RC3H1: variants seen among roughly 807,000 people sequenced by gnomAD.
RC3H1 encodes the protein roquin-1.
Under a neutral mutation model 138.2 loss-of-function variants are expected in RC3H1, and 50 were observed. The observed-to-expected ratio is 0.36, with a 90% CI of 0.29 to 0.46. The LOEUF (loss-of-function observed/expected upper bound fraction) is 0.46. RC3H1 is among the 20% of genes least tolerant of loss of function. The pLI is 1.00. For missense variants in RC3H1, 1,031 were observed against 1,388.1 expected, an observed-to-expected ratio of 0.74 and a Z score of 4.09; for synonymous variants, 462 against 489.1, an observed-to-expected ratio of 0.94 and a Z score of 0.73.
rs1284647075 is a variant in RC3H1, at chr1:173,951,994, C to T, written c.2515G>A (p.Glu839Lys). 1 of 1,603,654 alleles carries T rather than the reference C, an allele frequency of 6.2e-7. No homozygotes were observed. The highest frequency in any genetic ancestry group is 8.5e-7 in the Non-Finnish European group (1 of 1,175,990). The change falls in exon 14 of 20, where the codon GAA (glutamate) becomes AAA (lysine). Residue 839 changes from glutamate to lysine, a missense_variant. Physicochemically the swap from Glu to Lys is moderately conservative, Grantham distance 56. This residue lies in a region of RC3H1 where 716 missense variants were observed against 837.9 expected (regional missense o/e 0.85). Coordinates refer to ENST00000367696, the MANE Select transcript of RC3H1 (RefSeq NM_172071.4). ...TTAGCTATTACACATACCATCATTT[C>T]CACACTCCCTGCTGCCACAACATCT... ...PKDVVAAGSV[E>K]MMNVESKGMR...
chr1:173,949,001 T>C (rs1331810767), intron 14 of RC3H1, among the ~76,000 whole-genome samples: 1 of 152,032 alleles, frequency 6.6e-6, no homozygotes, highest in African/African-American at 2.4e-5. Context: ...CAAAGATTCC[T>C]GCCTAATTTC....
In RC3H1 at chr1:173,933,564, A is replaced by G. The variant is rs1007887278; in HGVS notation, c.*5157T>C. On this transcript the variant is annotated 3_prime_UTR_variant, in exon 20 of 20. Transcript: ENST00000367696. Reference sequence around the variant, plus strand: ...CAATTAATAGTACCTTTTGACAAAAACAGCTTTCTTCTTGAAGTGGCTCAG... The same window carrying G: ...CAATTAATAGTACCTTTTGACAAAAGCAGCTTTCTTCTTGAAGTGGCTCAG... 1 of 152,164 alleles carries G rather than the reference A, an allele frequency of 6.6e-6. No individual in the cohort carries two copies. The highest frequency in any genetic ancestry group is 1.5e-5 in the Non-Finnish European group (1 of 67,972). The allele number at this position is 152,164 out of a possible 1,614,324, so 9.4% of individuals were successfully genotyped here.
intron 1 of RC3H1, 116 bp from the exon 2 acceptor site, chr1:173,993,251 G>A: frequency 2.4e-6 from 1 of 422,984 alleles, no homozygotes; most frequent in Non-Finnish European, 4.3e-6. Flanking sequence ...TTGTATCACT[G>A]TAATCCATCT....
At chr1:173,976,752 A>G (rs1034299379) in intron 7 of RC3H1, among the ~76,000 whole-genome samples, 1 of 152,204 alleles carries the variant, frequency 6.6e-6, no homozygotes, top group Non-Finnish European at 1.5e-5. Context: ...TATTCTAGTA[A>G]CATTGATCTG....
At chr1:174,006,587 TTTA>T (rs1268476071) in intron 1 of RC3H1, among the ~76,000 whole-genome samples, 28 of 152,230 alleles carry the variant, frequency 1.8e-4, no homozygotes, top group African/African-American at 6.5e-4. Context: ...CTTGTAACTT[TTTA>T]TTATACTTTT....
intron 17 of RC3H1, among the ~76,000 whole-genome samples, chr1:173,944,721 C>T (rs1213268143): frequency 1.3e-5 from 2 of 152,134 alleles, no homozygotes; most frequent in African/African-American, 2.4e-5. Flanking sequence ...ATCGGCAAGA[C>T]GTTCTGAATC....
At chr1:173,971,858 A>C (rs908434871) in intron 8 of RC3H1, among the ~76,000 whole-genome samples, 26 of 152,172 alleles carry the variant, frequency 1.7e-4, no homozygotes, top group Admixed American at 1.7e-3. Context: ...GAACCAGGTA[A>C]ATTAAGAGTT....
At chr1:173,938,912 A>C (rs1658710475) in intron 19 of RC3H1, 41 bp from the exon 20 acceptor site, 1 of 1,474,694 alleles carries the variant, frequency 6.8e-7, no homozygotes, top group East Asian at 2.3e-5. Flanking sequence ...GAGAGAGAAA[A>C]ATGATTACTA....
chr1:174,012,423 C>T (rs1034662006), intron 1 of RC3H1, among the ~76,000 whole-genome samples: 1 of 151,942 alleles, frequency 6.6e-6, no homozygotes, highest in African/African-American at 2.4e-5. Flanking sequence ...TCACATAATA[C>T]ATAATCAGTC....
chr1:173,947,779 G>A (rs921962699), intron 14 of RC3H1, among the ~76,000 whole-genome samples, 197 bp from the exon 15 acceptor site: 1 of 152,048 alleles, frequency 6.6e-6, no homozygotes, highest in East Asian at 1.9e-4. Context: ...GTCTCACACC[G>A]TGGCCCAGGC....
chr1:173,976,800 A>G (rs2102990546), intron 7 of RC3H1, among the ~76,000 whole-genome samples: 1 of 152,374 alleles, frequency 6.6e-6, no homozygotes, highest in South Asian at 2.1e-4. Flanking sequence ...CTATAAAAGT[A>G]GGCTGATAAA....
intron 1 of RC3H1, among the ~76,000 whole-genome samples, chr1:173,998,124 G>T (rs1481191146): frequency 1.3e-5 from 2 of 151,974 alleles, no homozygotes; most frequent in African/African-American, 2.4e-5. Flanking sequence ...TCAGAAAAAG[G>T]TATGTCAGCA....
chr1:173,978,714 ATTTAATT>A, intron 6 of RC3H1, 94 bp from the exon 7 acceptor site: 11 of 1,335,716 alleles, frequency 8.2e-6, no homozygotes, highest in Non-Finnish European at 1.1e-5. Flanking sequence ...GATTTATTAA[ATTTAATT>A]TTTATCTTCC....
intron 13 of RC3H1, among the ~76,000 whole-genome samples, chr1:173,953,800 A>T (rs1659518852): frequency 6.6e-6 from 1 of 152,038 alleles, no homozygotes. Flanking sequence ...GCACTTTGGG[A>T]GGTCGAGGCG....
Position 173,980,889 on chromosome 1 carries a change from G to A in RC3H1, c.889C>T (p.Arg297Ter). The A allele has an allele frequency of 6.2e-7, 1 of 1,614,108 alleles. No individual in the cohort carries two copies. The highest frequency in any genetic ancestry group is 8.5e-7 in the Non-Finnish European group (1 of 1,179,960). ...GAGGACCACTGGTCCGGTGCAATTCGTAAGCCTGCTTCCATAGCAATCTGC... is the reference window on the plus strand; with the variant it reads ...GAGGACCACTGGTCCGGTGCAATTCATAAGCCTGCTTCCATAGCAATCTGC... ...IVQIAMEAGL[R>*]IAPDQWSSLL... The change falls in exon 6 of 20, where the codon CGA (arginine) becomes TGA (stop). Residue 297 changes from arginine to a stop codon, truncating the protein, a stop_gained. Coordinates refer to ENST00000367696, the MANE Select transcript of RC3H1 (RefSeq NM_172071.4). LOFTEE classifies it high-confidence loss of function.
chr1:173,994,711 C>G (rs1161628183), intron 1 of RC3H1, among the ~76,000 whole-genome samples: 2 of 148,878 alleles, frequency 1.3e-5, no homozygotes, highest in African/African-American at 5.0e-5. Flanking sequence ...GTAGGAGGAT[C>G]GCTTGAGCCC....
Position 173,938,569 on chromosome 1 carries a change from T to C in RC3H1, c.*152A>G. The stretch of plus-strand genomic sequence containing the variant: ...GTGAACTATGTGCAGGGTTTGTTTT[T>C]AGTAGTGGTGTTTGTGCACATTGCC... On this transcript the variant is annotated 3_prime_UTR_variant, in exon 20 of 20. Coordinates refer to ENST00000367696, the MANE Select transcript of RC3H1 (RefSeq NM_172071.4). The C allele has an allele frequency of 9.8e-6, 5 of 510,884 alleles. No homozygotes were observed. Among genetic ancestry groups the C allele is most frequent in the Non-Finnish European group, 1.7e-5 (5 of 290,206 alleles). 31.6% of individuals were successfully genotyped at this position (510,884 alleles called of 1,614,324 possible).
At chr1:173,985,034 T>C (rs1660967343) in intron 2 of RC3H1, among the ~76,000 whole-genome samples, 1 of 152,228 alleles carries the variant, frequency 6.6e-6, no homozygotes, top group African/African-American at 2.4e-5. Flanking sequence ...GATTTGCCTA[T>C]TCTGGACATT....
At position 173,961,981 on chromosome 1, in the gene RC3H1, C is replaced by T. The variant is rs774630631; in HGVS notation, c.1946G>A (p.Arg649His). Residue 649 changes from arginine (R) to histidine (H), a missense_variant, in exon 12 of 20, where the codon CGT (arginine) becomes CAT (histidine). Physicochemically the swap from Arg to His is conservative, Grantham distance 29. Coordinates refer to ENST00000367696, the MANE Select transcript of RC3H1 (RefSeq NM_172071.4). Reference protein sequence around the residue: ...LDHYPPYLQERVVNSQYGTQP... With the variant: ...LDHYPPYLQEHVVNSQYGTQP... ...TGTGCCATACTGAGAGTTTACAACA[C>T]GTTCTTGGAGGTAGGGTGGATAATG... The T allele has an allele frequency of 9.9e-6, 16 of 1,613,898 alleles. No homozygotes were observed. Among genetic ancestry groups the T allele is most frequent in the South Asian group, 5.5e-5 (5 of 91,080 alleles).
Sources: gnomAD v4.1 joint callset for allele counts (sites outside exome capture counted in the v4.1 genomes callset) on GRCh38, gnomAD v4.1.1 for gene constraint, gnomAD v4.1.1 regional missense constraint, MANE v1.5 for transcripts, NCBI Gene and HGNC (gene_info 2026-07-23, HGNC 2026-07-21) for gene names.